EML6: variants seen among roughly 807,000 people sequenced by gnomAD.
EML6 encodes echinoderm microtubule-associated protein-like 6.
EML6 carries 154 observed loss-of-function variants against 240.1 expected under a neutral mutation model. The observed-to-expected ratio is 0.64, with a 90% CI of 0.56 to 0.73. The LOEUF (loss-of-function observed/expected upper bound fraction) is 0.73. Among genes scored for constraint, EML6 ranks in the 30% least tolerant of loss-of-function variants. The pLI, the probability that EML6 is intolerant of heterozygous loss-of-function variation, is 0.00. For missense variants in EML6, 2,964 were observed against 2,474.6 expected (o/e 1.20, Z -4.20); for synonymous variants, 1,148 against 899.0 (o/e 1.28, Z -4.95).
Position 54,960,282 on chromosome 2 carries a change from A to G in EML6, c.4916A>G (p.Gln1639Arg). Residue 1639 changes from glutamine (Q) to arginine (R), a missense_variant, in exon 35 of 42, where the codon CAG becomes CGG. Transcript: ENST00000356458. ...DQEMKRCRAF[Q>R]LETGQLVECV... ...GAGATGAAGCGCTGCCGGGCCTTTC[A>G]GCTGGAGACCGGGCAGCTGGTGGAG... 2 of 1,551,520 alleles carry G rather than the reference A, an allele frequency of 1.3e-6. No individual in the cohort carries two copies. Among genetic ancestry groups the G allele is most frequent in the Middle Eastern group, 1.7e-4 (1 of 5,992 alleles).
chr2:54,820,971 G>A (rs761962584), intron 5 of EML6, among the ~76,000 whole-genome samples: 1 of 151,954 alleles, frequency 6.6e-6, no homozygotes, highest in African/African-American at 2.4e-5. Flanking sequence ...CTCTCATCTG[G>A]GTAGACCTAC....
rs79440820 is a variant in EML6, at chr2:54,941,190, A to G, written c.4005-7692A>G. 2.0e-4 allele frequency among the ~76,000 whole-genome samples: 30 copies of G among 152,272 alleles called. No homozygotes were observed. The East Asian group carries it at 5.4e-3, about 27-fold the overall frequency. On this transcript the variant is annotated intron_variant, in intron 28 of 41. Transcript: ENST00000356458. ...AAGGTACATAGTTTCAATATTTTCA[A>G]TGTATAGTGGTCAAATTGGTATCAT...
intron 19 of EML6, among the ~76,000 whole-genome samples, chr2:54,894,496 T>C (rs1430715391): frequency 2.0e-5 from 3 of 152,248 alleles, no homozygotes; most frequent in Non-Finnish European, 4.4e-5. Flanking sequence ...TATTTTTAAA[T>C]GTTTAACAAT....
At chr2:54,866,459 G>T (rs1670975604) in intron 13 of EML6, among the ~76,000 whole-genome samples, 1 of 152,070 alleles carries the variant, frequency 6.6e-6, no homozygotes, top group South Asian at 2.1e-4. Flanking sequence ...GGCCTTAGAA[G>T]AAATAAAACA....
Position 54,740,724 on chromosome 2 carries a change from TG to T in EML6, c.197+15469del, listed in dbSNP as rs564254841. On this transcript the variant is annotated intron_variant, in intron 2 of 41. Coordinates refer to ENST00000356458, the MANE Select transcript of EML6 (RefSeq NM_001039753.4). ...AGACTCTAGCTCTTTTTTTTTTTCT[TG>T]GGACAATAAGAGATATTGTTACAGA... 2.4e-3 allele frequency among the ~76,000 whole-genome samples: 367 copies of T among 152,130 alleles called. 3 individuals are homozygous for T. Among genetic ancestry groups the T allele is most frequent in the Middle Eastern group, 0.017 (5 of 294 alleles).
intron 2 of EML6, among the ~76,000 whole-genome samples, chr2:54,759,245 A>C (rs1425813911): frequency 6.7e-6 from 1 of 150,320 alleles, no homozygotes; most frequent in Non-Finnish European, 1.5e-5. Context: ...CATATCTGAT[A>C]ATTAGGCCCA....
chr2:54,847,671 A>G (rs759880151), intron 9 of EML6, 48 bp downstream of exon 9: 12 of 1,542,404 alleles, frequency 7.8e-6, no homozygotes, highest in African/African-American at 1.4e-5. Flanking sequence ...CTCGTGTTAA[A>G]TGTTACAATT....
chr2:54,847,361 T>C (rs1379686899), intron 8 of EML6, 125 bp from the exon 9 acceptor site: 5 of 938,900 alleles, frequency 5.3e-6, no homozygotes, highest in South Asian at 5.3e-5. Context: ...TAAAGGGCTC[T>C]GGTGTGAAGT....
chr2:54,798,392 C>T (rs1270537400), intron 2 of EML6, among the ~76,000 whole-genome samples: 1 of 152,110 alleles, frequency 6.6e-6, no homozygotes, highest in African/African-American at 2.4e-5. Flanking sequence ...CCAGGCTGGT[C>T]TGGAACTCCT....
chr2:54,824,117 A>G (rs1668473150), intron 5 of EML6, among the ~76,000 whole-genome samples: 1 of 152,144 alleles, frequency 6.6e-6, no homozygotes, highest in Admixed American at 6.5e-5. Flanking sequence ...ATTGGGTTCT[A>G]ACTAGATTTG....
intron 11 of EML6, among the ~76,000 whole-genome samples, chr2:54,855,708 C>T (rs1170089689): frequency 1.3e-5 from 2 of 152,138 alleles, no homozygotes; most frequent in Admixed American, 6.5e-5. Flanking sequence ...TCCATGTCCT[C>T]ATAGCAAATG....
chr2:54,843,091 C>A (rs1052550086), intron 7 of EML6, among the ~76,000 whole-genome samples: 1 of 152,024 alleles, frequency 6.6e-6, no homozygotes, highest in African/African-American at 2.4e-5. Flanking sequence ...CAATGTTATT[C>A]CTAAAGGTTG....
intron 2 of EML6, among the ~76,000 whole-genome samples, chr2:54,742,078 A>G (rs1216863588): frequency 6.6e-6 from 1 of 152,234 alleles, no homozygotes; most frequent in Non-Finnish European, 1.5e-5. Context: ...ACACCATTAA[A>G]AGAAAAAAAG....
intron 5 of EML6, among the ~76,000 whole-genome samples, chr2:54,826,372 GC>G (rs1443486116): frequency 2.0e-5 from 3 of 152,232 alleles, no homozygotes; most frequent in Non-Finnish European, 4.4e-5. Context: ...GCCAAGTGGG[GC>G]AGATCACCTG....
At chr2:54,946,657 G>C (rs1343462211) in intron 28 of EML6, among the ~76,000 whole-genome samples, 5 of 152,126 alleles carry the variant, frequency 3.3e-5, no homozygotes, top group African/African-American at 1.2e-4. Context: ...CTTTCCTTTG[G>C]AGGCAGGGAA....
At chr2:54,731,362 A>G (rs1683158986) in intron 2 of EML6, among the ~76,000 whole-genome samples, 1 of 152,172 alleles carries the variant, frequency 6.6e-6, no homozygotes, top group African/African-American at 2.4e-5. Context: ...ATTCAGAAAT[A>G]TGAGTCCAGG....
chr2:54,970,184 G>A lies in EML6; in HGVS notation c.*89G>A, dbSNP rs781020022. The stretch of plus-strand genomic sequence containing the variant: ...CTGAGGTGCCTCCTTGCCACCAGCC[G>A]TTGGGAAATGCCTACCATGCTGCCC... On this transcript the variant is annotated 3_prime_UTR_variant, in exon 42 of 42. Transcript: ENST00000356458. 79 of 1,286,452 alleles carry A rather than the reference G, an allele frequency of 6.1e-5. No individual in the cohort carries two copies. Among genetic ancestry groups the A allele is most frequent in the Middle Eastern group, 1.8e-4 (1 of 5,462 alleles). 79.7% of individuals were successfully genotyped at this position (1,286,452 alleles called of 1,614,324 possible).
chr2:54,821,888 G>A (rs1668351552), intron 5 of EML6, among the ~76,000 whole-genome samples: 1 of 152,010 alleles, frequency 6.6e-6, no homozygotes, highest in Non-Finnish European at 1.5e-5. Flanking sequence ...ATATTTAACT[G>A]CTCAAATTGG....
intron 3 of EML6, among the ~76,000 whole-genome samples, chr2:54,816,516 T>G (rs1668088490): frequency 6.6e-6 from 1 of 152,194 alleles, no homozygotes; most frequent in African/African-American, 2.4e-5. Context: ...TATTGACGTT[T>G]CAGAGATCTC....
Sources: allele counts gnomAD v4.1 joint callset (sites outside exome capture counted in the v4.1 genomes callset), GRCh38; gene constraint gnomAD v4.1.1; transcripts MANE v1.5; gene names NCBI Gene and HGNC (gene_info 2026-07-23, HGNC 2026-07-21).